Variants in SEMA5A observed in about 807,000 individuals in gnomAD.
SEMA5A encodes semaphorin 5A.
In SEMA5A, 55 loss-of-function variants were observed where a neutral mutation model predicts 135.5. The ratio of observed to expected loss-of-function variants is 0.41; its 90% CI spans 0.33 to 0.51. SEMA5A has a LOEUF of 0.51. Ranked by LOEUF, SEMA5A falls within the 20% of genes least tolerant of loss-of-function variation. The probability of loss-of-function intolerance (pLI) is 0.37; values close to 1 mark genes in which losing one functional copy is unlikely to be tolerated. For missense variants in SEMA5A, 1,290 were observed against 1,419.9 expected, an observed-to-expected ratio of 0.91 and a Z score of 1.47; for synonymous variants, 580 against 546.5, an observed-to-expected ratio of 1.06 and a Z score of -0.85.
intron 8 of SEMA5A, among the ~76,000 whole-genome samples, chr5:9,223,276 A>G (rs1309031888): frequency 1.3e-5 from 2 of 152,088 alleles, no homozygotes; most frequent in Admixed American, 1.3e-4. Flanking sequence ...TTCCTACAGG[A>G]CAGTCTTTTA....
chr5:9,406,960 C>A (rs537853658), intron 2 of SEMA5A, among the ~76,000 whole-genome samples: 1 of 152,324 alleles, frequency 6.6e-6, no homozygotes, highest in Non-Finnish European at 1.5e-5. Flanking sequence ...AGAGAATAAA[C>A]ACTATTCCAG....
intron 5 of SEMA5A, among the ~76,000 whole-genome samples, chr5:9,290,275 A>C (rs955431390): frequency 6.6e-5 from 10 of 151,422 alleles, no homozygotes; most frequent in African/African-American, 2.2e-4. Context: ...ATAGTTAAGC[A>C]CTCCCATTAT....
chr5:9,114,467 G>T lies in SEMA5A; in HGVS notation c.1925+4531C>A, dbSNP rs76199305. ...TAAGTGGCAAATTTATGTTTTTTTT[G>T]TGTGTGTGTGTGTAAAAGCACAGTA... On this transcript the variant is annotated intron_variant, in intron 15 of 22. Coordinates refer to ENST00000382496, the MANE Select transcript of SEMA5A (RefSeq NM_003966.3). 0.011 allele frequency among the ~76,000 whole-genome samples: 1,738 copies of T among 151,922 alleles called. 66 individuals are homozygous for T. In the East Asian group the frequency reaches 0.15, roughly 14 times the overall value.
chr5:9,160,315 C>A (rs1023475551), intron 11 of SEMA5A, among the ~76,000 whole-genome samples: 13 of 152,138 alleles, frequency 8.5e-5, no homozygotes, highest in African/African-American at 3.1e-4. Context: ...ATGACCCCCT[C>A]CCTCTGTACA....
At chr5:9,390,938 T>C (rs1380534469) in intron 2 of SEMA5A, 2 of 152,202 alleles carry the variant, frequency 1.3e-5, no homozygotes, top group African/African-American at 4.8e-5. Flanking sequence ...ATTTTGCAGA[T>C]GTGGAGACAG....
At chr5:9,339,589 T>C (rs1325977405) in intron 3 of SEMA5A, among the ~76,000 whole-genome samples, 2 of 151,128 alleles carry the variant, frequency 1.3e-5, no homozygotes, top group East Asian at 3.9e-4. Flanking sequence ...AAGAGAGAAA[T>C]AATCAAAAAG....
At chr5:9,351,192 T>C (rs772363125) in intron 3 of SEMA5A, among the ~76,000 whole-genome samples, 5 of 152,118 alleles carry the variant, frequency 3.3e-5, no homozygotes, top group Non-Finnish European at 7.4e-5. Context: ...AAAGGGTAAA[T>C]TCCTTCCTAG....
At chr5:9,531,699 A>C (rs1386079901) in intron 1 of SEMA5A, among the ~76,000 whole-genome samples, 2 of 152,172 alleles carry the variant, frequency 1.3e-5, no homozygotes, top group African/African-American at 4.8e-5. Flanking sequence ...GACAAGGGAC[A>C]CCCAACTGGA....
intron 1 of SEMA5A, among the ~76,000 whole-genome samples, chr5:9,544,421 T>C (rs533250424): frequency 5.1e-4 from 78 of 152,318 alleles, no homozygotes; most frequent in Middle Eastern, 3.4e-3. Flanking sequence ...GAGACCTTTC[T>C]AGTTAGAGCA....
intron 2 of SEMA5A, among the ~76,000 whole-genome samples, chr5:9,390,682 CA>C (rs1408156159): frequency 7.9e-4 from 111 of 140,468 alleles, no homozygotes; most frequent in East Asian, 1.2e-3. Flanking sequence ...TCTTTGATCT[CA>C]AAAAAAAAAA....
At chr5:9,477,797 T>A (rs565866708) in intron 1 of SEMA5A, among the ~76,000 whole-genome samples, 3 of 152,214 alleles carry the variant, frequency 2.0e-5, no homozygotes, top group Non-Finnish European at 4.4e-5. Context: ...ACATAAAAGA[T>A]TGGAAAATTT....
intron 1 of SEMA5A, chr5:9,516,442 ACTCT>A (rs1166607431): frequency 2.0e-5 from 3 of 151,990 alleles, no homozygotes; most frequent in Non-Finnish European, 4.4e-5. Context: ...CCATTTCTAC[ACTCT>A]CTCACAGTGA....
chr5:9,385,029 T>G (rs890026339), intron 2 of SEMA5A, among the ~76,000 whole-genome samples: 1 of 152,208 alleles, frequency 6.6e-6, no homozygotes, highest in Admixed American at 6.5e-5. Flanking sequence ...CGTGAGTTAA[T>G]ATGAAACAAA....
intron 2 of SEMA5A, among the ~76,000 whole-genome samples, chr5:9,387,510 G>T (rs1279127190): frequency 6.6e-6 from 1 of 152,194 alleles, no homozygotes; most frequent in African/African-American, 2.4e-5. Flanking sequence ...AAATCCTCCT[G>T]AATGGGGGAA....
At chr5:9,112,710 T>C (rs1740305401) in intron 15 of SEMA5A, among the ~76,000 whole-genome samples, 1 of 152,224 alleles carries the variant, frequency 6.6e-6, no homozygotes, top group Non-Finnish European at 1.5e-5. Context: ...GGCTCTAACA[T>C]GTTCCCCGTG....
chr5:9,119,307 T>G (rs1037923276), intron 14 of SEMA5A, among the ~76,000 whole-genome samples, 166 bp from the exon 15 acceptor site: 1 of 152,206 alleles, frequency 6.6e-6, no homozygotes, highest in Non-Finnish European at 1.5e-5. Flanking sequence ...CCTGTGAATC[T>G]CAATTCCTGT....
At chr5:9,489,021 T>C (rs1003719640) in intron 1 of SEMA5A, among the ~76,000 whole-genome samples, 1 of 152,186 alleles carries the variant, frequency 6.6e-6, no homozygotes, top group Non-Finnish European at 1.5e-5. Context: ...AGAAATCACT[T>C]AACATTTTCA....
intron 11 of SEMA5A, among the ~76,000 whole-genome samples, chr5:9,170,536 G>A (rs773423484): frequency 5.9e-5 from 9 of 152,110 alleles, no homozygotes; most frequent in Non-Finnish European, 1.3e-4. Context: ...GTCATATTTG[G>A]AGGTGGGGGG....
intron 5 of SEMA5A, among the ~76,000 whole-genome samples, chr5:9,262,874 T>C (rs1186205190): frequency 8.7e-6 from 1 of 115,332 alleles, no homozygotes; most frequent in Non-Finnish European, 1.7e-5. Context: ...TGTGCACATG[T>C]ACCCTAAAAC....
Sources: allele counts gnomAD v4.1 joint callset (sites outside exome capture counted in the v4.1 genomes callset), GRCh38; gene constraint gnomAD v4.1.1; transcripts MANE v1.5; gene names NCBI Gene and HGNC (gene_info 2026-07-23, HGNC 2026-07-21).